The following MBD5 variants were observed in gnomAD, a reference collection of about 807,000 sequenced individuals.
The protein encoded by MBD5 is methyl-CpG-binding domain protein 5.
MBD5 carries 13 observed loss-of-function variants against 117.3 expected under a neutral mutation model. That is an observed-to-expected ratio of 0.11 (90% CI 0.07 to 0.18). The LOEUF is 0.18. Among genes scored for constraint, MBD5 ranks in the 10% least tolerant of loss-of-function variants. MBD5 has a pLI of 1.00. For missense variants in MBD5, 1,879 were observed against 2,093.8 expected, an observed-to-expected ratio of 0.90 and a Z score of 2.00; for synonymous variants, 727 against 766.4, an observed-to-expected ratio of 0.95 and a Z score of 0.85.
intron 4 of MBD5, among the ~76,000 whole-genome samples, chr2:148,359,192 G>C (rs1703461941): frequency 6.6e-6 from 1 of 151,496 alleles, no homozygotes; most frequent in Non-Finnish European, 1.5e-5. Flanking sequence ...ACTTGAACTT[G>C]GGAGGAGGAG....
chr2:148,450,111 A>G (rs1362187585), intron 4 of MBD5, among the ~76,000 whole-genome samples: 2 of 152,158 alleles, frequency 1.3e-5, no homozygotes, highest in African/African-American at 4.8e-5. Context: ...AAATTTCTGT[A>G]ATATGACTTT....
chr2:148,198,475 A>G (rs1285473652), intron 2 of MBD5, among the ~76,000 whole-genome samples: 1 of 152,158 alleles, frequency 6.6e-6, no homozygotes, highest in African/African-American at 2.4e-5. Context: ...TTTATATATT[A>G]TGATATCATA....
chr2:148,432,213 A>G (rs760790097), intron 4 of MBD5, among the ~76,000 whole-genome samples: 18 of 151,706 alleles, frequency 1.2e-4, no homozygotes, highest in Non-Finnish European at 2.7e-4. Context: ...CCACTTTTTA[A>G]TGGGGTTGTT....
intron 4 of MBD5, among the ~76,000 whole-genome samples, chr2:148,440,932 G>A (rs1706300799): frequency 1.3e-5 from 2 of 152,192 alleles, no homozygotes; most frequent in Non-Finnish European, 2.9e-5. Flanking sequence ...TAGTGCAACA[G>A]AATACAATGG....
At chr2:148,496,077 G>A (rs1681693711) in intron 11 of MBD5, among the ~76,000 whole-genome samples, 1 of 152,190 alleles carries the variant, frequency 6.6e-6, no homozygotes, top group South Asian at 2.1e-4. Context: ...ATTCTCTGTT[G>A]AGAATGTTCT....
intron 3 of MBD5, among the ~76,000 whole-genome samples, chr2:148,263,611 T>C (rs1700785357): frequency 1.3e-5 from 2 of 152,076 alleles, no homozygotes; most frequent in African/African-American, 4.8e-5. Flanking sequence ...GTGGATGTAT[T>C]GAAGGAAAAA....
At chr2:148,051,601 TTGAGTGTG>T (rs1553467161) in intron 1 of MBD5, among the ~76,000 whole-genome samples, 1 of 92,892 alleles carries the variant, frequency 1.1e-5, no homozygotes, top group African/African-American at 3.9e-5. Flanking sequence ...GTTCTGTTTG[TTGAGTGTG>T]TGTGTGTGTG....
intron 2 of MBD5, among the ~76,000 whole-genome samples, chr2:148,223,847 T>G (rs1013658816): frequency 6.6e-6 from 1 of 152,180 alleles, no homozygotes; most frequent in Admixed American, 6.5e-5. Flanking sequence ...TCTTTTTTCA[T>G]GTAGGCACTT....
intron 6 of MBD5, among the ~76,000 whole-genome samples, chr2:148,463,306 A>G (rs1254156498): frequency 1.3e-5 from 2 of 152,188 alleles, no homozygotes; most frequent in Non-Finnish European, 1.5e-5. Context: ...AAACAAAACA[A>G]GTAATAGATT....
At chr2:148,419,785 T>C (rs1705541300) in intron 4 of MBD5, among the ~76,000 whole-genome samples, 3 of 152,172 alleles carry the variant, frequency 2.0e-5, no homozygotes, top group Admixed American at 6.5e-5. Context: ...CCTAGGTAAC[T>C]GATCCTGTAG....
At chr2:148,380,551 TA>T in intron 4 of MBD5, among the ~76,000 whole-genome samples, 1 of 152,154 alleles carries the variant, frequency 6.6e-6, no homozygotes, top group Non-Finnish European at 1.5e-5. Context: ...AGACAAAAAC[TA>T]AACATGTAAA....
At chr2:148,265,907 G>A (rs1395366551) in intron 3 of MBD5, among the ~76,000 whole-genome samples, 2 of 149,420 alleles carry the variant, frequency 1.3e-5, no homozygotes, top group Admixed American at 6.8e-5. Flanking sequence ...GCAGGCTGGG[G>A]ACAAAGAACA....
intron 3 of MBD5, among the ~76,000 whole-genome samples, chr2:148,327,493 T>C (rs1417065678): frequency 3.3e-5 from 5 of 152,330 alleles, no homozygotes; most frequent in African/African-American, 9.6e-5. Flanking sequence ...CAGACGTAGA[T>C]TTGGTCTTTT....
intron 1 of MBD5, chr2:148,044,604 G>GT (rs1694463735): frequency 6.6e-6 from 1 of 152,080 alleles, no homozygotes; most frequent in Admixed American, 6.5e-5. Context: ...TGATGAGTGG[G>GT]TAAGTCAGAA....
chr2:148,215,543 G>T (rs1431270877), intron 2 of MBD5, among the ~76,000 whole-genome samples: 1 of 151,750 alleles, frequency 6.6e-6, no homozygotes, highest in Non-Finnish European at 1.5e-5. Flanking sequence ...TTGTGGGCGG[G>T]GTTTTTTTTC....
intron 3 of MBD5, among the ~76,000 whole-genome samples, chr2:148,294,522 G>GTTTTGTTTTTTTTTTTTTTTA (rs1701602396): frequency 4.4e-5 from 2 of 45,414 alleles, no homozygotes; most frequent in African/African-American, 1.8e-4. Flanking sequence ...TTTTTTTTTT[G>GTTTTGTTTTTTTTTTTTTTTA]AGATAGAGCT....
chr2:148,214,878 C>A (rs546078627), intron 2 of MBD5, among the ~76,000 whole-genome samples: 69 of 152,218 alleles, frequency 4.5e-4, no homozygotes, highest in African/African-American at 1.6e-3. Flanking sequence ...ACCTGCCCAT[C>A]CTGACAGATT....
At chr2:148,076,243 G>A (rs1210927290) in intron 1 of MBD5, among the ~76,000 whole-genome samples, 2 of 151,768 alleles carry the variant, frequency 1.3e-5, no homozygotes, top group Non-Finnish European at 2.9e-5. Flanking sequence ...TTTCTGCTTT[G>A]TACTACAGCC....
At chr2:148,454,592 G>T (rs1220051017) in intron 4 of MBD5, among the ~76,000 whole-genome samples, 1 of 152,078 alleles carries the variant, frequency 6.6e-6, no homozygotes, top group African/African-American at 2.4e-5. Flanking sequence ...AACCCAGAAG[G>T]ATACAGACGA....
Sources: allele counts gnomAD v4.1 joint callset (sites outside exome capture counted in the v4.1 genomes callset), GRCh38; gene constraint gnomAD v4.1.1; transcripts MANE v1.5; gene names NCBI Gene and HGNC (gene_info 2026-07-23, HGNC 2026-07-21).